Variants in RGL1 observed in about 807,000 individuals in gnomAD.
RGL1 encodes the protein ral guanine nucleotide dissociation stimulator-like 1.
RGL1 carries 24 observed loss-of-function variants against 95.2 expected under a neutral mutation model. That is an observed-to-expected ratio of 0.25 (90% CI 0.18 to 0.35). The LOEUF (loss-of-function observed/expected upper bound fraction) is 0.35, where lower values mean the gene tolerates loss of function less well. Ranked by LOEUF, RGL1 falls within the 10% of genes least tolerant of loss-of-function variation. The probability of loss-of-function intolerance (pLI) is 1.00; values close to 1 mark genes in which losing one functional copy is unlikely to be tolerated. For missense variants in RGL1, 715 were observed against 936.3 expected (o/e 0.76, Z 3.08); for synonymous variants, 329 against 344.9 (o/e 0.95, Z 0.51).
At position 183,782,542 on chromosome 1, in the gene RGL1, CT is replaced by C. The variant is rs143589802; in HGVS notation, c.133-23832del. 1.8e-3 allele frequency among the ~76,000 whole-genome samples: 271 copies of C among 152,248 alleles called. 5 individuals are homozygous for C. The East Asian group carries it at 0.041, about 23-fold the overall frequency. On this transcript the variant is annotated intron_variant, in intron 2 of 18. Transcript: ENST00000304685. ...CTATTGTGTCTTCATAACTCATGGC[CT>C]GGGATTTGGCACTACATATTTTTAT... is the stretch of plus-strand genomic sequence containing the variant.
At position 183,654,742 on chromosome 1, in the gene RGL1, A is replaced by G. The variant is rs1365368451; in HGVS notation, c.-33+18241A>G. 5.9e-5 allele frequency among the ~76,000 whole-genome samples: 9 copies of G among 152,220 alleles called. No individual in the cohort carries two copies. The East Asian group carries it at 1.7e-3, about 29-fold the overall frequency. Reference sequence around the variant, plus strand: ...CCTATGGAAGGTTAAGCCTAAAGAAACAGGAAAAATGAGCCTTTGTCCACT... The same window carrying G: ...CCTATGGAAGGTTAAGCCTAAAGAAGCAGGAAAAATGAGCCTTTGTCCACT... On this transcript the variant is annotated intron_variant, in intron 1 of 18. Transcript: ENST00000304685.
At chr1:183,913,344 T>C (rs1668774843) in intron 15 of RGL1, among the ~76,000 whole-genome samples, 2 of 151,950 alleles carry the variant, frequency 1.3e-5, no homozygotes, top group South Asian at 4.2e-4. Flanking sequence ...TACAGGCATG[T>C]GCCACCATGC....
At chr1:183,656,206 C>T (rs899304690) in intron 1 of RGL1, among the ~76,000 whole-genome samples, 2 of 151,374 alleles carry the variant, frequency 1.3e-5, no homozygotes, top group Admixed American at 6.6e-5. Context: ...AATCCATGTT[C>T]CCACCTTAAA....
intron 1 of RGL1, among the ~76,000 whole-genome samples, chr1:183,673,232 C>T (rs1205879216): frequency 1.3e-5 from 2 of 152,188 alleles, no homozygotes; most frequent in Admixed American, 6.5e-5. Context: ...TTGATTTTTA[C>T]AGGCACTGTG....
intron 2 of RGL1, among the ~76,000 whole-genome samples, chr1:183,791,117 T>G (rs1178667055): frequency 6.6e-6 from 1 of 152,226 alleles, no homozygotes; most frequent in African/African-American, 2.4e-5. Flanking sequence ...ATTTTCATTC[T>G]GTAGACCTCA....
intron 2 of RGL1, among the ~76,000 whole-genome samples, chr1:183,813,651 A>C (rs78886146): frequency 6.6e-6 from 1 of 152,348 alleles, no homozygotes; most frequent in East Asian, 1.9e-4. Context: ...AGTTAAACTT[A>C]TAATTGTGTT....
upstream of RGL1, among the ~76,000 whole-genome samples, chr1:183,802,347 A>G (rs1403003798): frequency 6.6e-6 from 1 of 152,020 alleles, no homozygotes; most frequent in Non-Finnish European, 1.5e-5. Flanking sequence ...TGGCTTTGTA[A>G]TATGTTTTCA....
intron 1 of RGL1, among the ~76,000 whole-genome samples, chr1:183,702,107 G>A (rs913631381): frequency 6.6e-6 from 1 of 152,162 alleles, no homozygotes; most frequent in African/African-American, 2.4e-5. Flanking sequence ...AAAGCAACAA[G>A]GAAGAGAATG....
chr1:183,693,731 G>C (rs569012270), intron 1 of RGL1, among the ~76,000 whole-genome samples: 6 of 152,204 alleles, frequency 3.9e-5, no homozygotes, highest in African/African-American at 1.4e-4. Context: ...GAATACACTT[G>C]TGTAGTGCCT....
At chr1:183,693,630 G>C (rs1244201505) in intron 1 of RGL1, among the ~76,000 whole-genome samples, 1 of 151,198 alleles carries the variant, frequency 6.6e-6, no homozygotes, top group East Asian at 1.9e-4. Flanking sequence ...GACATGAAGG[G>C]AGGATGAGAA....
chr1:183,697,897 G>A (rs1238154155), intron 1 of RGL1, among the ~76,000 whole-genome samples: 1 of 152,198 alleles, frequency 6.6e-6, no homozygotes, highest in Non-Finnish European at 1.5e-5. Flanking sequence ...CCTGCAGGTT[G>A]CATTTCTCTT....
intron 8 of RGL1, among the ~76,000 whole-genome samples, chr1:183,889,831 A>G (rs1012552847): frequency 6.6e-6 from 1 of 152,218 alleles, no homozygotes; most frequent in South Asian, 2.1e-4. Flanking sequence ...ATCAATATTT[A>G]TCAGTAGAAG....
At chr1:183,755,574 G>A (rs1339979042) in intron 2 of RGL1, among the ~76,000 whole-genome samples, 6 of 151,900 alleles carry the variant, frequency 3.9e-5, no homozygotes, top group Admixed American at 6.6e-5. Context: ...GTGGTGATGT[G>A]TTCAATTTTT....
At chr1:183,664,717 GA>G (rs1479623006) in intron 1 of RGL1, among the ~76,000 whole-genome samples, 1 of 151,930 alleles carries the variant, frequency 6.6e-6, no homozygotes, top group African/African-American at 2.4e-5. Context: ...CTAAGGACAA[GA>G]AAAAAATGTT....
At position 183,860,603 on chromosome 1, in the gene RGL1, T is replaced by C. The variant is rs12061557; in HGVS notation, c.348-5393T>C. ...ATCTGCAGGGCCCACTTCCTCACTT[T>C]CTGGAGAGTTTACTTAGTTTTCACA... is the stretch of plus-strand genomic sequence containing the variant. On this transcript the variant is annotated intron_variant, in intron 3 of 17. Coordinates refer to ENST00000360851, the MANE Select transcript of RGL1 (RefSeq NM_001297671.3). Among the ~76,000 whole-genome samples, 412 of 152,296 alleles carry C rather than the reference T, an allele frequency of 2.7e-3. 1 individual carries two copies. Among genetic ancestry groups the C allele is most frequent in the African/African-American group, 9.2e-3 (383 of 41,550 alleles).
chr1:183,833,457 A>G (rs1475466944), intron 2 of RGL1, among the ~76,000 whole-genome samples: 1 of 152,200 alleles, frequency 6.6e-6, no homozygotes, highest in African/African-American at 2.4e-5. Context: ...TTCTGGGTCT[A>G]CTGATCGGAA....
At chr1:183,747,389 CT>C (rs1657708697) in intron 2 of RGL1, among the ~76,000 whole-genome samples, 1 of 152,072 alleles carries the variant, frequency 6.6e-6, no homozygotes, top group African/African-American at 2.4e-5. Context: ...ACAATGACCC[CT>C]GATGATGAGC....
intron 1 of RGL1, among the ~76,000 whole-genome samples, chr1:183,686,407 C>A (rs1434555090): frequency 7.0e-6 from 1 of 143,716 alleles, no homozygotes; most frequent in Non-Finnish European, 1.5e-5. Context: ...GTGGCACTTT[C>A]TTCCAGAAAA....
At chr1:183,802,081 C>G (rs992418970), upstream of RGL1, among the ~76,000 whole-genome samples, 1 of 152,184 alleles carries the variant, frequency 6.6e-6, no homozygotes, top group Non-Finnish European at 1.5e-5. Context: ...AGTCTGCAAT[C>G]CATTTTGAAT....
Sources: allele counts gnomAD v4.1 joint callset (sites outside exome capture counted in the v4.1 genomes callset), GRCh38; gene constraint gnomAD v4.1.1; transcripts MANE v1.5; gene names NCBI Gene and HGNC (gene_info 2026-07-23, HGNC 2026-07-21).